RBFOX1: variants seen among roughly 807,000 people sequenced by gnomAD.
RBFOX1 encodes RNA binding fox-1 homolog 1, also known as RNA binding protein fox-1 homolog 1.
RBFOX1 carries 8 observed loss-of-function variants against 57.7 expected under a neutral mutation model. The ratio of observed to expected loss-of-function variants is 0.14; its 90% confidence interval spans 0.08 to 0.25. The LOEUF is 0.25. Ranked by LOEUF, RBFOX1 falls within the 10% of genes least tolerant of loss-of-function variation. The pLI is 1.00. For synonymous variants in RBFOX1, 326 were observed against 222.4 expected (o/e 1.47, Z -4.15); for missense variants, 611 against 548.5 (o/e 1.11, Z -1.14).
chr16:6,635,916 A>G (rs538567562), intron 2 of RBFOX1, among the ~76,000 whole-genome samples: 114 of 152,286 alleles, frequency 7.5e-4, no homozygotes, highest in Non-Finnish European at 1.3e-3. Flanking sequence ...ATTTTGGAAT[A>G]TTGACACATA....
At chr16:6,427,687 G>A (rs2093969596) in intron 2 of RBFOX1, among the ~76,000 whole-genome samples, 1 of 152,168 alleles carries the variant, frequency 6.6e-6, no homozygotes, top group Non-Finnish European at 1.5e-5. Context: ...TGTATTACTA[G>A]TATGATATAA....
At chr16:6,290,074 C>A (rs540668778) in intron 1 of RBFOX1, among the ~76,000 whole-genome samples, 5 of 151,918 alleles carry the variant, frequency 3.3e-5, no homozygotes, top group East Asian at 1.9e-4. Context: ...AAAATTGTGA[C>A]CACAGCATTT....
intron 2 of RBFOX1, among the ~76,000 whole-genome samples, chr16:6,524,365 T>A (rs986187897): frequency 1.6e-4 from 24 of 152,232 alleles, no homozygotes; most frequent in Admixed American, 1.5e-3. Flanking sequence ...ATTGTGTGCA[T>A]ACCACACTTG....
upstream of RBFOX1, among the ~76,000 whole-genome samples, chr16:6,015,418 C>A (rs1478113868): frequency 6.6e-6 from 1 of 152,172 alleles, no homozygotes. Flanking sequence ...CAGTGGAAAT[C>A]ATTATGGTAA....
chr16:6,530,226 G>C (rs1252590369), intron 2 of RBFOX1, among the ~76,000 whole-genome samples: 1 of 152,080 alleles, frequency 6.6e-6, no homozygotes, highest in East Asian at 1.9e-4. Context: ...TAGATCTGAT[G>C]GAGTTTGGGG....
intron 3 of RBFOX1, among the ~76,000 whole-genome samples, chr16:6,826,058 C>A (rs116492505): frequency 0.027 from 4,089 of 152,044 alleles, 176 homozygotes; most frequent in African/African-American, 0.093. Context: ...ACGTTCATTG[C>A]CCAGGTCCCC....
At chr16:6,021,664 G>A (rs2095080659) in intron 1 of RBFOX1, among the ~76,000 whole-genome samples, 2 of 152,160 alleles carry the variant, frequency 1.3e-5, no homozygotes, top group South Asian at 4.1e-4. Context: ...CCTCGCGGTA[G>A]TGGAAGTGAC....
At chr16:7,217,036 C>T (rs1410819144) in intron 4 of RBFOX1, among the ~76,000 whole-genome samples, 15 of 113,432 alleles carry the variant, frequency 1.3e-4, no homozygotes, top group Non-Finnish European at 2.6e-4. Context: ...TCCCTCCCTC[C>T]CTCCCTCCCT....
intron 3 of RBFOX1, among the ~76,000 whole-genome samples, chr16:6,852,868 G>A (rs1019804556): frequency 2.6e-5 from 4 of 152,008 alleles, no homozygotes; most frequent in Non-Finnish European, 4.4e-5. Flanking sequence ...CTGTCCAGGT[G>A]AGGTGCATGC....
chr16:5,376,388 G>T (rs1039963168), intron 1 of RBFOX1, among the ~76,000 whole-genome samples: 2 of 152,070 alleles, frequency 1.3e-5, no homozygotes, highest in Non-Finnish European at 2.9e-5. Flanking sequence ...TCCCAAGGTT[G>T]GGATTCACCT....
At position 5,401,181 on chromosome 16, in the gene RBFOX1, C is replaced by T. The variant is rs191087127; in HGVS notation, c.220-66035C>T. The stretch of plus-strand genomic sequence containing the variant: ...AATATTGGCTAAAGGTTTATTTATA[C>T]TTTCTGCAAATTTTTATAGTCAGTT... On this transcript the variant is annotated intron_variant, in intron 1 of 2. Transcript: ENST00000585867. 1.3e-3 allele frequency among the ~76,000 whole-genome samples: 194 copies of T among 152,234 alleles called. 1 individual carries two copies. The highest frequency in any genetic ancestry group is 4.6e-3 in the African/African-American group (191 of 41,540).
intron 4 of RBFOX1, among the ~76,000 whole-genome samples, chr16:7,249,902 G>C (rs766473816): frequency 2.4e-4 from 37 of 152,264 alleles, no homozygotes; most frequent in Non-Finnish European, 3.4e-4. Context: ...CTTCAGAAAG[G>C]TTAAACCAAT....
intron 4 of RBFOX1, among the ~76,000 whole-genome samples, chr16:7,323,523 T>C (rs2096572489): frequency 6.6e-6 from 1 of 152,264 alleles, no homozygotes; most frequent in African/African-American, 2.4e-5. Context: ...TCTTATAGTA[T>C]TGAGCACAAG....
chr16:7,275,614 T>C (rs546641889), intron 4 of RBFOX1, among the ~76,000 whole-genome samples: 1 of 151,294 alleles, frequency 6.6e-6, no homozygotes, highest in African/African-American at 2.4e-5. Context: ...AGATGGTAGG[T>C]TGGATTGAAA....
intron 1 of RBFOX1, among the ~76,000 whole-genome samples, chr16:6,100,286 C>T (rs1248271110): frequency 6.6e-6 from 1 of 152,120 alleles, no homozygotes; most frequent in Admixed American, 6.5e-5. Context: ...CCTCAGCCTC[C>T]CGAGGAGCTG....
intron 1 of RBFOX1, among the ~76,000 whole-genome samples, chr16:6,058,740 T>C (rs1432232464): frequency 1.4e-5 from 2 of 146,196 alleles, no homozygotes; most frequent in Non-Finnish European, 3.0e-5. Flanking sequence ...CACCAATCCA[T>C]CCACCTATCC....
Position 7,574,521 on chromosome 16 carries a change from A to G in RBFOX1, c.271-5256A>G, listed in dbSNP as rs1338260360. On this transcript the variant is annotated intron_variant, in intron 5 of 15. Coordinates refer to ENST00000550418, the MANE Select transcript of RBFOX1 (RefSeq NM_018723.4). ...CGAAGGTCCAAGAGTCCAAAAGCTG[A>G]AGAACTTGGAGTCCCATGTTCGAGG... Among the ~76,000 whole-genome samples, 3 of 152,124 alleles carry G rather than the reference A, an allele frequency of 2.0e-5. No individual in the cohort carries two copies. The East Asian group carries it at 5.8e-4, about 29-fold the overall frequency.
At chr16:6,897,031 C>G (rs1028068548) in intron 3 of RBFOX1, among the ~76,000 whole-genome samples, 1 of 152,128 alleles carries the variant, frequency 6.6e-6, no homozygotes, top group Non-Finnish European at 1.5e-5. Context: ...GCTCCCTGTG[C>G]CCAGACCTGA....
intron 3 of RBFOX1, among the ~76,000 whole-genome samples, chr16:6,778,335 C>G (rs1055627923): frequency 1.3e-5 from 2 of 152,138 alleles, no homozygotes; most frequent in African/African-American, 2.4e-5. Context: ...TACCCATCCC[C>G]AGATTCGATA....
Sources: gnomAD v4.1 joint callset for allele counts (sites outside exome capture counted in the v4.1 genomes callset) on GRCh38, gnomAD v4.1.1 for gene constraint, MANE v1.5 for transcripts, NCBI Gene and HGNC (gene_info 2026-07-23, HGNC 2026-07-21) for gene names.